The following LARP1B variants were observed in gnomAD, a reference collection of about 807,000 sequenced individuals.
LARP1B encodes la-related protein 1B.
Under a neutral mutation model 114.2 loss-of-function variants are expected in LARP1B, and 76 were observed. That is an observed-to-expected ratio of 0.67 (90% CI 0.55 to 0.81). The LOEUF is 0.81. LARP1B is among the 30% of genes least tolerant of loss of function. The pLI, the probability that LARP1B is intolerant of heterozygous loss-of-function variation, is 0.00. For synonymous variants in LARP1B, 345 were observed against 348.0 expected (o/e 0.99, Z 0.10); for missense variants, 1,014 against 1,075.8 (o/e 0.94, Z 0.80).
intron 11 of LARP1B, chr4:128,155,402 T>A: frequency 1.6e-6 from 1 of 623,248 alleles, no homozygotes; most frequent in Non-Finnish European, 2.9e-6. Context: ...TTCTGAGACT[T>A]CAGGGAACCC....
At chr4:128,170,587 G>T (rs535068650) in intron 12 of LARP1B, among the ~76,000 whole-genome samples, 2 of 152,094 alleles carry the variant, frequency 1.3e-5, no homozygotes, top group Admixed American at 6.5e-5. Flanking sequence ...CATATATGTT[G>T]TCCTTGTTTG....
At chr4:128,149,935 A>C (rs1731964245) in intron 11 of LARP1B, among the ~76,000 whole-genome samples, 1 of 152,148 alleles carries the variant, frequency 6.6e-6, no homozygotes, top group African/African-American at 2.4e-5. Flanking sequence ...GGCGGATTAC[A>C]AAGTCAGGAG....
Position 128,091,072 on chromosome 4 carries a change from A to G in LARP1B, c.430A>G (p.Ile144Val). ...VSSVRSEGGN[I>V]RGSFRGRGRG... ...CAGTGTGAGAAGTGAGGGTGGTAAT[A>G]TCCGAGGTTCCTTTAGAGGTCGAGG... Residue 144 changes from isoleucine (I) to valine (V), a missense_variant, in exon 6 of 20, where the codon ATC (isoleucine) becomes GTC (valine). Physicochemically the swap from Ile to Val is conservative, Grantham distance 29 (BLOSUM62 3). Transcript: ENST00000326639. 3.1e-6 allele frequency: 5 copies of G among 1,614,034 alleles called. No individual in the cohort carries two copies. Among genetic ancestry groups the G allele is most frequent in the Non-Finnish European group, 4.2e-6 (5 of 1,179,886 alleles).
chr4:128,105,695 G>C (rs60117443), intron 8 of LARP1B, among the ~76,000 whole-genome samples: 4 of 152,080 alleles, frequency 2.6e-5, no homozygotes, highest in Admixed American at 2.6e-4. Context: ...TTCAAGACCA[G>C]CCTGGCCAAC....
chr4:128,155,724 C>T (rs1206802179), intron 11 of LARP1B: 15 of 1,607,924 alleles, frequency 9.3e-6, no homozygotes, highest in African/African-American at 5.3e-5. Flanking sequence ...GAGTAAGGCC[C>T]GAGCGGAACA....
chr4:128,171,514 C>T (rs1316006548), intron 12 of LARP1B, among the ~76,000 whole-genome samples: 3 of 152,122 alleles, frequency 2.0e-5, no homozygotes, highest in East Asian at 3.9e-4. Flanking sequence ...GTCTTTCAAG[C>T]GTGTTTTACT....
intron 11 of LARP1B, chr4:128,156,106 A>G (rs1581103814): frequency 6.2e-7 from 1 of 1,607,640 alleles, no homozygotes; most frequent in South Asian, 1.1e-5. Flanking sequence ...CTACCCCAGC[A>G]CTCCTGAGCC....
chr4:128,080,426 A>G (rs1480267382), intron 4 of LARP1B, among the ~76,000 whole-genome samples: 1 of 152,106 alleles, frequency 6.6e-6, no homozygotes, highest in Non-Finnish European at 1.5e-5. Flanking sequence ...TCTTTGTGTC[A>G]AGGAATCTCG....
intron 11 of LARP1B, chr4:128,123,479 C>T: frequency 4.0e-6 from 3 of 753,728 alleles, no homozygotes; most frequent in Non-Finnish European, 4.8e-6. Flanking sequence ...TATCCCTTTA[C>T]CCAGCTTTGT....
chr4:128,060,965 A>G (rs981318965), upstream of LARP1B, among the ~76,000 whole-genome samples: 1 of 152,088 alleles, frequency 6.6e-6, no homozygotes, highest in South Asian at 2.1e-4. Context: ...TCCCAGCGCC[A>G]TGTGCGCGGC....
At chr4:128,195,893 A>G (rs1753889530) in intron 15 of LARP1B, among the ~76,000 whole-genome samples, 2 of 152,160 alleles carry the variant, frequency 1.3e-5, no homozygotes, top group Non-Finnish European at 2.9e-5. Flanking sequence ...AAATAACTAG[A>G]ATCAGAAAAA....
At chr4:128,160,824 AAAG>A (rs1738148982) in intron 11 of LARP1B, among the ~76,000 whole-genome samples, 1 of 152,220 alleles carries the variant, frequency 6.6e-6, no homozygotes, top group African/African-American at 2.4e-5. Flanking sequence ...TTTAGTGAAA[AAAG>A]ATCATAATCT....
intron 1 of LARP1B, chr4:128,061,936 C>G (rs1579555843): frequency 1.0e-6 from 1 of 985,236 alleles, no homozygotes; most frequent in South Asian, 4.7e-5. Flanking sequence ...CGGCTGTCCC[C>G]GTGAGGCCCC....
rs971053981 is a variant in LARP1B, at chr4:128,211,497, G to T, written c.*1444G>T. On this transcript the variant is annotated 3_prime_UTR_variant, in exon 20 of 20. Transcript: ENST00000326639. ...AGCAGTTTTATAATATTTACTATTTGGAGGGTCATTTTGATGCTTTAAATT... is the reference window on the plus strand; with the variant it reads ...AGCAGTTTTATAATATTTACTATTTTGAGGGTCATTTTGATGCTTTAAATT... 5.6e-6 allele frequency: 5 copies of T among 899,426 alleles called. No homozygotes were observed. The East Asian group carries it at 4.8e-4, about 86-fold the overall frequency. The allele number at this position is 899,426 out of a possible 1,614,324, so 55.7% of individuals were successfully genotyped here. A position where few individuals can be genotyped will look rare whatever the true frequency, so the allele number is the denominator to read the frequency against.
intron 15 of LARP1B, among the ~76,000 whole-genome samples, chr4:128,189,793 G>T (rs1751631130): frequency 6.6e-6 from 1 of 152,022 alleles, no homozygotes; most frequent in Non-Finnish European, 1.5e-5. Flanking sequence ...GAAAAGGAAA[G>T]AATCAAGGGA....
chr4:128,078,723 C>A (rs1768996126), intron 4 of LARP1B, among the ~76,000 whole-genome samples: 1 of 151,894 alleles, frequency 6.6e-6, no homozygotes, highest in Non-Finnish European at 1.5e-5. Context: ...CTTTTCTGAA[C>A]TTTTCGTGTG....
intron 11 of LARP1B, among the ~76,000 whole-genome samples, chr4:128,147,729 A>G (rs1181921060): frequency 6.6e-6 from 1 of 152,196 alleles, no homozygotes; most frequent in Admixed American, 6.5e-5. Flanking sequence ...GAGTTTCTGA[A>G]GTGTCTTCAT....
intron 3 of LARP1B, among the ~76,000 whole-genome samples, chr4:128,075,507 T>C (rs1057033882): frequency 1.3e-5 from 2 of 152,126 alleles, no homozygotes; most frequent in African/African-American, 4.8e-5. Context: ...GCTTTACTCA[T>C]GGGAAGCTTA....
At chr4:128,095,210 A>G (rs71612158) in intron 7 of LARP1B, among the ~76,000 whole-genome samples, 1 of 151,914 alleles carries the variant, frequency 6.6e-6, no homozygotes, top group Non-Finnish European at 1.5e-5. Flanking sequence ...AAATGAGGCC[A>G]GGGCATGGTG....
Sources: gnomAD v4.1 joint callset for allele counts (sites outside exome capture counted in the v4.1 genomes callset) on GRCh38, gnomAD v4.1.1 for gene constraint, MANE v1.5 for transcripts, NCBI Gene and HGNC (gene_info 2026-07-23, HGNC 2026-07-21) for gene names.